The following EPHA7 variants were observed in gnomAD, a reference collection of about 807,000 sequenced individuals.
The protein encoded by EPHA7 is EPH receptor A7.
EPHA7 carries 25 observed loss-of-function variants against 112.6 expected under a neutral mutation model. The ratio of observed to expected loss-of-function variants is 0.22; its 90% CI spans 0.16 to 0.31. The LOEUF is 0.31. Among genes scored for constraint, EPHA7 ranks in the 10% least tolerant of loss-of-function variants. EPHA7 has a pLI of 1.00. For synonymous variants in EPHA7, 437 were observed against 406.5 expected (o/e 1.07, Z -0.90); for missense variants, 962 against 1,212.6 (o/e 0.79, Z 3.07).
chr6:93,305,076 A>G (rs1210718512), intron 5 of EPHA7, among the ~76,000 whole-genome samples: 1 of 151,976 alleles, frequency 6.6e-6, no homozygotes, highest in African/African-American at 2.4e-5. Flanking sequence ...AAGCTTTATA[A>G]GCTTTTATAT....
At chr6:93,313,752 A>G (rs1294839887) in intron 5 of EPHA7, among the ~76,000 whole-genome samples, 1 of 143,784 alleles carries the variant, frequency 7.0e-6, no homozygotes, top group African/African-American at 3.0e-5. Flanking sequence ...TGGAACAAGC[A>G]ATATAAAGAC....
At chr6:93,313,356 T>A (rs911657725) in intron 5 of EPHA7, among the ~76,000 whole-genome samples, 6 of 152,132 alleles carry the variant, frequency 3.9e-5, no homozygotes, top group Non-Finnish European at 5.9e-5. Context: ...AAGTAGCATA[T>A]AAGATGAAAT....
chr6:93,316,745 A>G (rs1773832996), intron 5 of EPHA7, among the ~76,000 whole-genome samples: 1 of 152,196 alleles, frequency 6.6e-6, no homozygotes, highest in Non-Finnish European at 1.5e-5. Context: ...GAAGGATTAT[A>G]TATTTTCAAG....
intron 3 of EPHA7, among the ~76,000 whole-genome samples, chr6:93,400,813 C>T (rs1316619879): frequency 1.3e-5 from 2 of 152,106 alleles, no homozygotes; most frequent in Admixed American, 6.6e-5. Flanking sequence ...GCTGGGATTA[C>T]AGGCATCAGC....
chr6:93,245,863 TGCC>T (rs1769921895), intron 15 of EPHA7, among the ~76,000 whole-genome samples: 1 of 152,184 alleles, frequency 6.6e-6, no homozygotes, highest in African/African-American at 2.4e-5. Flanking sequence ...TTCTTGTGAA[TGCC>T]TGGGGAGTTA....
intron 5 of EPHA7, among the ~76,000 whole-genome samples, chr6:93,290,119 T>C (rs1396605923): frequency 6.6e-6 from 1 of 152,090 alleles, no homozygotes; most frequent in African/African-American, 2.4e-5. Flanking sequence ...TATATGTATA[T>C]GTGCATAAAT....
chr6:93,358,285 G>A lies in EPHA7; in HGVS notation c.959C>T (p.Pro320Leu), dbSNP rs757798599. Reference protein sequence around the residue: ...CECEDGYYRAPSDPPYVACTR... With the variant: ...CECEDGYYRALSDPPYVACTR... ...GCACGCAACGTATGGTGGGTCAGAT[G>A]GAGCCCTGTAATACCCATCTTCACA... The change falls in exon 4 of 17, where the codon CCA becomes CTA. Residue 320 changes from proline (P) to leucine (L), a missense_variant. Around this residue, in one of 3 missense-constraint regions of EPHA7, gnomAD observed 746 missense variants for 889.2 expected, o/e 0.84. Coordinates refer to ENST00000369303, the MANE Select transcript of EPHA7 (RefSeq NM_004440.4). The A allele has an allele frequency of 7.4e-6, 12 of 1,612,386 alleles. No individual in the cohort carries two copies. Among genetic ancestry groups the A allele is most frequent in the Non-Finnish European group, 9.3e-6 (11 of 1,179,130 alleles).
intron 5 of EPHA7, among the ~76,000 whole-genome samples, chr6:93,343,931 T>C (rs544795243): frequency 4.3e-4 from 65 of 151,820 alleles, no homozygotes; most frequent in African/African-American, 1.5e-3. Flanking sequence ...TCTTTGTTTA[T>C]ATAATTTTCA....
chr6:93,278,381 T>C (rs1397983150), intron 5 of EPHA7, among the ~76,000 whole-genome samples: 1 of 152,064 alleles, frequency 6.6e-6, no homozygotes, highest in Non-Finnish European at 1.5e-5. Flanking sequence ...TTGAACACAG[T>C]AGGTATAAAT....
Position 93,261,378 on chromosome 6 carries a change from C to T in EPHA7, c.1799-1899G>A, listed in dbSNP as rs184064399. Among the ~76,000 whole-genome samples, 10 of 151,466 alleles carry T rather than the reference C, an allele frequency of 6.6e-5. No homozygotes were observed. In the Admixed American group the frequency reaches 6.6e-4, roughly 10 times the overall value. ...AGCACCTGGGAAAATTGTCCATGTA[C>T]TAAATAGAGGAATAAAAAGACAGCA... On this transcript the variant is annotated intron_variant, in intron 9 of 16. Transcript: ENST00000369303.
At position 93,327,781 on chromosome 6, in the gene EPHA7, A is replaced by G. The variant is rs188976854; in HGVS notation, c.1324+28936T>C. Among the ~76,000 whole-genome samples, 54 of 151,574 alleles carry G rather than the reference A, an allele frequency of 3.6e-4. 1 individual carries two copies. The highest frequency in any genetic ancestry group is 1.3e-3 in the African/African-American group (52 of 41,456). ...GAAAGCCACCTTCTAGATTATTGCA[A>G]TAGCCTCCTAAACTAATCTCTTGCT... On this transcript the variant is annotated intron_variant, in intron 5 of 16. Coordinates refer to ENST00000369303, the MANE Select transcript of EPHA7 (RefSeq NM_004440.4).
At chr6:93,324,040 G>C (rs563319987) in intron 5 of EPHA7, among the ~76,000 whole-genome samples, 1 of 151,364 alleles carries the variant, frequency 6.6e-6, no homozygotes, top group South Asian at 2.1e-4. Flanking sequence ...TCCATGAAGG[G>C]GCAGACAGAC....
chr6:93,366,629 G>C (rs1037661140), intron 3 of EPHA7, among the ~76,000 whole-genome samples: 1 of 151,972 alleles, frequency 6.6e-6, no homozygotes, highest in Non-Finnish European at 1.5e-5. Context: ...GTTCTACAGG[G>C]GCTGTCCTGC....
intron 9 of EPHA7, among the ~76,000 whole-genome samples, chr6:93,261,240 G>T (rs752356857): frequency 1.3e-4 from 20 of 151,576 alleles, no homozygotes; most frequent in Admixed American, 5.3e-4. Context: ...TTGGGGCCAT[G>T]AAAAGTTGAG....
chr6:93,413,843 T>C (rs1192007675), intron 2 of EPHA7, among the ~76,000 whole-genome samples: 1 of 151,914 alleles, frequency 6.6e-6, no homozygotes, highest in Non-Finnish European at 1.5e-5. Flanking sequence ...TTGCAAAATA[T>C]GCTACAGTTT....
chr6:93,375,467 A>G (rs1326199473), intron 3 of EPHA7, among the ~76,000 whole-genome samples: 2 of 151,746 alleles, frequency 1.3e-5, no homozygotes, highest in African/African-American at 4.8e-5. Flanking sequence ...AAATAAAAAT[A>G]AAAAAAATAG....
chr6:93,246,868 C>G lies in EPHA7; in HGVS notation c.2650G>C (p.Glu884Gln), dbSNP rs2127847028. The change falls in exon 15 of 17, where the codon GAA (glutamate) becomes CAA (glutamine). Residue 884 changes from glutamate (E) to glutamine (Q), a missense_variant. Transcript: ENST00000369303. Reference protein sequence around the residue: ...QKERAERPKFEQIVGILDKMI... With the variant: ...QKERAERPKFQQIVGILDKMI... ...TTGTCTAGAATTCCAACTATCTGTT[C>G]AAATTTTGGCCTTTCAGCACGCTCC... 6.2e-7 allele frequency: 1 copy of G among 1,613,956 alleles called. No individual in the cohort carries two copies. The highest frequency in any genetic ancestry group is 8.5e-7 in the Non-Finnish European group (1 of 1,179,858).
At chr6:93,319,579 A>C (rs2127881212) in intron 5 of EPHA7, among the ~76,000 whole-genome samples, 1 of 152,250 alleles carries the variant, frequency 6.6e-6, no homozygotes, top group Non-Finnish European at 1.5e-5. Flanking sequence ...GACTCACAGC[A>C]GCTTTCTGAG....
At chr6:93,255,424 G>C (rs532207093) in intron 13 of EPHA7, among the ~76,000 whole-genome samples, 131 of 152,030 alleles carry the variant, frequency 8.6e-4, no homozygotes, top group African/African-American at 3.1e-3. Context: ...ATAAAATATG[G>C]ATAATTTAAA....
Sources: gnomAD v4.1 joint callset for allele counts (sites outside exome capture counted in the v4.1 genomes callset) on GRCh38, gnomAD v4.1.1 for gene constraint, gnomAD v4.1.1 regional missense constraint, MANE v1.5 for transcripts, NCBI Gene and HGNC (gene_info 2026-07-23, HGNC 2026-07-21) for gene names.